Variants in TBC1D22A observed in about 807,000 individuals in gnomAD.
The protein encoded by TBC1D22A is putative GTPase activator.
Under a neutral mutation model 60.2 loss-of-function variants are expected in TBC1D22A, and 38 were observed. That is an observed-to-expected ratio of 0.63 (90% CI 0.49 to 0.83). The LOEUF is 0.83. Ranked by LOEUF, TBC1D22A falls within the 40% of genes least tolerant of loss-of-function variation. The probability of loss-of-function intolerance (pLI) is 0.00; values close to 1 mark genes in which losing one functional copy is unlikely to be tolerated. For synonymous variants in TBC1D22A, 302 were observed against 281.7 expected (o/e 1.07, Z -0.72); for missense variants, 628 against 701.0 (o/e 0.90, Z 1.18).
At chr22:46,792,310 G>A (rs999060677) in intron 1 of TBC1D22A, among the ~76,000 whole-genome samples, 2 of 152,138 alleles carry the variant, frequency 1.3e-5, no homozygotes, top group Non-Finnish European at 2.9e-5. Flanking sequence ...TGTGTGGGGT[G>A]TGGGGTGTGG....
chr22:46,762,705 G>C lies in TBC1D22A; in HGVS notation c.-82G>C. ...TCCCGGGAGCAGTGAGGGGCCACCC[G>C]GGGCACAGGAAAGGGCCGCTAGGGG... On this transcript the variant is annotated 5_prime_UTR_variant, in exon 1 of 13. Transcript: ENST00000337137. 2.4e-6 allele frequency: 3 copies of C among 1,266,152 alleles called. No individual in the cohort carries two copies. Among genetic ancestry groups the C allele is most frequent in the Non-Finnish European group, 3.1e-6 (3 of 967,938 alleles). The allele number at this position is 1,266,152 out of a possible 1,614,324, so 78.4% of individuals were successfully genotyped here. A position where few individuals can be genotyped will look rare whatever the true frequency, so the allele number is the denominator to read the frequency against.
At position 46,787,834 on chromosome 22, in the gene TBC1D22A, G is replaced by A. The variant is rs537300240; in HGVS notation, c.63-4686G>A. On this transcript the variant is annotated intron_variant, in intron 1 of 12. Coordinates refer to ENST00000337137, the MANE Select transcript of TBC1D22A (RefSeq NM_014346.5). The stretch of plus-strand genomic sequence containing the variant: ...GACAAAATGTTGGAATTTGGGGGAA[G>A]TGAATCTCTGGGTGGTGTCTGTGTG... 1.8e-4 allele frequency among the ~76,000 whole-genome samples: 28 copies of A among 151,962 alleles called. 1 individual carries two copies. Among genetic ancestry groups the A allele is most frequent in the Admixed American group, 7.2e-4 (11 of 15,260 alleles).
chr22:47,008,798 A>G (rs1022845373), intron 10 of TBC1D22A, among the ~76,000 whole-genome samples: 1 of 152,150 alleles, frequency 6.6e-6, no homozygotes, highest in African/African-American at 2.4e-5. Flanking sequence ...GGTAGAGCAA[A>G]CAAGCTGGTG....
At chr22:46,853,998 G>A (rs1193307511) in intron 4 of TBC1D22A, among the ~76,000 whole-genome samples, 8 of 152,200 alleles carry the variant, frequency 5.3e-5, no homozygotes, top group African/African-American at 1.2e-4. Context: ...ATTTTGCCCC[G>A]ATTTCCCCCG....
chr22:47,007,557 G>T (rs1431308620), intron 10 of TBC1D22A, among the ~76,000 whole-genome samples: 1 of 152,168 alleles, frequency 6.6e-6, no homozygotes. Flanking sequence ...TCATGGTTTT[G>T]GATGCCACAA....
chr22:46,829,148 G>A (rs1375301568), intron 4 of TBC1D22A, among the ~76,000 whole-genome samples: 1 of 152,168 alleles, frequency 6.6e-6, no homozygotes, highest in Non-Finnish European at 1.5e-5. Flanking sequence ...CCTCCTCTTT[G>A]TGGCTCTTTT....
chr22:47,076,313 G>GTATA (rs967730241), intron 11 of TBC1D22A, among the ~76,000 whole-genome samples: 6 of 144,858 alleles, frequency 4.1e-5, no homozygotes, highest in Non-Finnish European at 9.0e-5. Flanking sequence ...TGGGACTGAT[G>GTATA]TATATATATG....
chr22:46,819,951 C>G (rs2085757603), intron 4 of TBC1D22A, among the ~76,000 whole-genome samples: 1 of 152,134 alleles, frequency 6.6e-6, no homozygotes, highest in Admixed American at 6.6e-5. Flanking sequence ...CAGCTTCTTC[C>G]TGGTTTAGTC....
intron 11 of TBC1D22A, among the ~76,000 whole-genome samples, chr22:47,039,976 A>G (rs1169594672): frequency 8.6e-6 from 1 of 115,968 alleles, no homozygotes; most frequent in Non-Finnish European, 1.6e-5. Context: ...ACAGAGTCTC[A>G]CTCTGTTGTC....
intron 12 of TBC1D22A, among the ~76,000 whole-genome samples, chr22:47,148,712 C>T (rs1196885710): frequency 6.7e-6 from 1 of 149,476 alleles, no homozygotes; most frequent in Non-Finnish European, 1.5e-5. Flanking sequence ...TCCTGGGGTC[C>T]CTCCCTCCCC....
chr22:46,879,309 C>T (rs977744021), intron 5 of TBC1D22A, among the ~76,000 whole-genome samples: 3 of 89,470 alleles, frequency 3.4e-5, no homozygotes, highest in Non-Finnish European at 4.8e-5. Context: ...TTGGGGTAGG[C>T]GGTGGTGACA....
intron 1 of TBC1D22A, among the ~76,000 whole-genome samples, chr22:46,766,799 G>A (rs184354607): frequency 1.5e-4 from 23 of 152,260 alleles, no homozygotes; most frequent in African/African-American, 5.3e-4. Context: ...GCCTCCCCAA[G>A]TGCTGAGATT....
intron 12 of TBC1D22A, among the ~76,000 whole-genome samples, 194 bp downstream of exon 12, chr22:47,111,797 A>T (rs2065858716): frequency 6.6e-6 from 1 of 152,204 alleles, no homozygotes; most frequent in Non-Finnish European, 1.5e-5. Flanking sequence ...TGGTCACAGC[A>T]GTGGAAACGC....
At chr22:46,884,597 A>AC (rs1004579376) in intron 5 of TBC1D22A, among the ~76,000 whole-genome samples, 10 of 152,084 alleles carry the variant, frequency 6.6e-5, no homozygotes, top group Admixed American at 2.6e-4. Flanking sequence ...GCCAGTCAAC[A>AC]CCCTGGGCTT....
intron 1 of TBC1D22A, among the ~76,000 whole-genome samples, chr22:46,785,294 T>C (rs2084110933): frequency 6.6e-6 from 1 of 152,170 alleles, no homozygotes; most frequent in African/African-American, 2.4e-5. Flanking sequence ...GTGCTGTGGG[T>C]TGTAATGTGT....
chr22:46,938,514 T>TA (rs397780563), intron 8 of TBC1D22A, among the ~76,000 whole-genome samples: 10 of 152,014 alleles, frequency 6.6e-5, no homozygotes, highest in Admixed American at 2.6e-4. Context: ...TATTTTTTTT[T>TA]ATCTTTATCT....
chr22:46,926,274 A>G (rs1292497629), intron 8 of TBC1D22A, among the ~76,000 whole-genome samples: 1 of 152,246 alleles, frequency 6.6e-6, no homozygotes, highest in Non-Finnish European at 1.5e-5. Context: ...AAATAAAGCC[A>G]AAACAAACAG....
chr22:46,862,519 G>T (rs2087954116), intron 4 of TBC1D22A, among the ~76,000 whole-genome samples: 1 of 152,182 alleles, frequency 6.6e-6, no homozygotes, highest in South Asian at 2.1e-4. Flanking sequence ...GTTGAAAATG[G>T]CTCCCGAGGC....
At chr22:47,073,934 C>T (rs1172053998) in intron 11 of TBC1D22A, among the ~76,000 whole-genome samples, 1 of 152,112 alleles carries the variant, frequency 6.6e-6, no homozygotes, top group East Asian at 1.9e-4. Context: ...TTGAGACCAG[C>T]CTGGGCAACA....
Sources: gnomAD v4.1 joint callset for allele counts (sites outside exome capture counted in the v4.1 genomes callset) on GRCh38, gnomAD v4.1.1 for gene constraint, MANE v1.5 for transcripts, NCBI Gene and HGNC (gene_info 2026-07-23, HGNC 2026-07-21) for gene names.